The following CIAO2A variants were observed in gnomAD, a reference collection of about 807,000 sequenced individuals.
The protein encoded by CIAO2A is cytosolic iron-sulfur assembly component 2A.
CIAO2A carries 17 observed loss-of-function variants against 22.4 expected under a neutral mutation model. That is an observed-to-expected ratio of 0.76 (90% CI 0.52 to 1.14). The LOEUF (loss-of-function observed/expected upper bound fraction) is 1.14, where lower values mean the gene tolerates loss of function less well. CIAO2A is among the 50% of genes most tolerant of loss of function. The probability of loss-of-function intolerance (pLI) is 0.00; values close to 1 mark genes in which losing one functional copy is unlikely to be tolerated. For synonymous variants in CIAO2A, 74 were observed against 72.3 expected, an observed-to-expected ratio of 1.02 and a Z score of -0.12; for missense variants, 192 against 191.4, an observed-to-expected ratio of 1.00 and a Z score of -0.02.
intron 1 of CIAO2A, 137 bp downstream of exon 1, chr15:64,093,508 T>A: frequency 9.3e-7 from 1 of 1,078,160 alleles, no homozygotes; most frequent in Non-Finnish European, 1.3e-6. Flanking sequence ...GGACAAGATC[T>A]GGCCAAAAAC....
At chr15:64,075,601 TG>T in intron 3 of CIAO2A, 64 bp from the exon 4 acceptor site, 1 of 1,026,686 alleles carries the variant, frequency 9.7e-7, no homozygotes, top group Non-Finnish European at 1.4e-6. Flanking sequence ...GAGAGTGAAG[TG>T]GAATGTACAG....
At chr15:64,090,516 C>T (rs2080832389) in intron 1 of CIAO2A, among the ~76,000 whole-genome samples, 1 of 152,004 alleles carries the variant, frequency 6.6e-6, no homozygotes, top group Non-Finnish European at 1.5e-5. Flanking sequence ...CAGATCCATG[C>T]GAAGCACCTA....
chr15:64,085,324 G>C (rs565384024), intron 2 of CIAO2A, among the ~76,000 whole-genome samples: 1 of 152,040 alleles, frequency 6.6e-6, no homozygotes, highest in African/African-American at 2.4e-5. Flanking sequence ...AGGAATTTGA[G>C]ACCAGCCTGG....
intron 2 of CIAO2A, among the ~76,000 whole-genome samples, chr15:64,086,826 C>A (rs1163122106): frequency 6.6e-6 from 1 of 151,454 alleles, no homozygotes; most frequent in Non-Finnish European, 1.5e-5. Flanking sequence ...GTTGGCCAGG[C>A]TGGTCTTGAA....
chr15:64,075,749 C>G (rs1157181445), intron 3 of CIAO2A, among the ~76,000 whole-genome samples: 1 of 150,960 alleles, frequency 6.6e-6, no homozygotes, highest in Non-Finnish European at 1.5e-5. Context: ...CTCCTGGGTT[C>G]AAGCAATTCT....
Position 64,081,495 on chromosome 15 carries a change from T to C in CIAO2A, c.290-344A>G, listed in dbSNP as rs534372230. ...GAAAGCCCAGGCCATTTTTACTACA[T>C]CAGTTGGCCTTCCAGCAAAAGTCAA... On this transcript the variant is annotated intron_variant, in intron 2 of 4. Coordinates refer to ENST00000300030, the MANE Select transcript of CIAO2A (RefSeq NM_032231.7). Among the ~76,000 whole-genome samples, 11 of 150,206 alleles carry C rather than the reference T, an allele frequency of 7.3e-5. No individual in the cohort carries two copies. The South Asian group carries it at 2.3e-3, about 32-fold the overall frequency.
chr15:64,078,970 G>C (rs1262578027), intron 3 of CIAO2A, among the ~76,000 whole-genome samples: 4 of 151,840 alleles, frequency 2.6e-5, no homozygotes. Flanking sequence ...GAGCCTGGGA[G>C]ATCAAAGGTT....
chr15:64,080,129 A>C (rs2080749035), intron 3 of CIAO2A, among the ~76,000 whole-genome samples: 1 of 151,998 alleles, frequency 6.6e-6, no homozygotes. Flanking sequence ...GCTCATGCCT[A>C]TAATCCCAGC....
Position 64,093,807 on chromosome 15 carries a change from G to A in CIAO2A, c.-39C>T. On this transcript the variant is annotated 5_prime_UTR_variant, in exon 1 of 5. Coordinates refer to ENST00000300030, the MANE Select transcript of CIAO2A (RefSeq NM_032231.7). ...CATCCCTGGCGACTGTCCCAATCGC[G>A]CCACCGTCTCTCAGCAGCCTCGGGA... 3 of 1,596,774 alleles carry A rather than the reference G, an allele frequency of 1.9e-6. No individual in the cohort carries two copies. The highest frequency in any genetic ancestry group is 2.3e-5 in the East Asian group (1 of 44,426).
At chr15:64,083,228 T>C (rs1312170652) in intron 2 of CIAO2A, among the ~76,000 whole-genome samples, 3 of 151,650 alleles carry the variant, frequency 2.0e-5, no homozygotes, top group African/African-American at 7.3e-5. Flanking sequence ...ATATTACTAT[T>C]TTATACTATT....
intron 3 of CIAO2A, among the ~76,000 whole-genome samples, chr15:64,078,906 T>C (rs1473237937): frequency 1.3e-5 from 2 of 151,886 alleles, no homozygotes; most frequent in Non-Finnish European, 2.9e-5. Flanking sequence ...CTGGGCATGG[T>C]GGCATATACC....
chr15:64,088,174 A>C (rs148812408), intron 2 of CIAO2A, among the ~76,000 whole-genome samples: 1 of 152,364 alleles, frequency 6.6e-6, no homozygotes, highest in East Asian at 1.9e-4. Flanking sequence ...AATACTGGGA[A>C]TCCAACCTCC....
At chr15:64,078,685 G>C (rs1595953376) in intron 3 of CIAO2A, among the ~76,000 whole-genome samples, 1 of 150,986 alleles carries the variant, frequency 6.6e-6, no homozygotes, top group African/African-American at 2.4e-5. Flanking sequence ...CAGTCCAGGA[G>C]GGAAGATGAA....
intron 1 of CIAO2A, chr15:64,090,216 G>A (rs182260974): frequency 9.6e-5 from 16 of 166,390 alleles, no homozygotes; most frequent in Admixed American, 1.9e-4. Flanking sequence ...GGTGCCGGGC[G>A]CCTGTAATCC....
chr15:64,078,546 T>A (rs1165629414), intron 3 of CIAO2A, among the ~76,000 whole-genome samples: 1 of 149,636 alleles, frequency 6.7e-6, no homozygotes, highest in Non-Finnish European at 1.5e-5. Context: ...TGAGGCAGGA[T>A]AATCGCTTGA....
chr15:64,089,573 G>A (rs980312327), intron 1 of CIAO2A, among the ~76,000 whole-genome samples: 8 of 152,028 alleles, frequency 5.3e-5, no homozygotes, highest in Non-Finnish European at 1.0e-4. Flanking sequence ...TTGCCTGGAA[G>A]CAGGCATAAG....
At chr15:64,078,088 T>C (rs2080732140) in intron 3 of CIAO2A, among the ~76,000 whole-genome samples, 1 of 152,228 alleles carries the variant, frequency 6.6e-6, no homozygotes, top group South Asian at 2.1e-4. Context: ...GTGAAGGATA[T>C]ATGGAATTTC....
chr15:64,085,282 C>G lies in CIAO2A; in HGVS notation c.289+3405G>C, dbSNP rs1301652032. Among the ~76,000 whole-genome samples the G allele has an allele frequency of 2.6e-5, 4 of 152,054 alleles. No individual in the cohort carries two copies. The East Asian group carries it at 7.7e-4, about 29-fold the overall frequency. ...AGGTATGGTGGCTCATGCCTGTAAT[C>G]CCAGCACTTGGGGAGGCTGAGGCAT... On this transcript the variant is annotated intron_variant, in intron 2 of 4. Transcript: ENST00000300030.
intron 2 of CIAO2A, among the ~76,000 whole-genome samples, chr15:64,081,749 G>A (rs1273751210): frequency 6.6e-6 from 1 of 151,904 alleles, no homozygotes; most frequent in Non-Finnish European, 1.5e-5. Context: ...ATGTTGGCCA[G>A]GCTGGTCTCA....
Sources: allele counts gnomAD v4.1 joint callset (sites outside exome capture counted in the v4.1 genomes callset), GRCh38; gene constraint gnomAD v4.1.1; transcripts MANE v1.5; gene names NCBI Gene and HGNC (gene_info 2026-07-23, HGNC 2026-07-21).